Variants in GPRIN3 observed in about 807,000 individuals in gnomAD.
GPRIN3 encodes the protein GPRIN family member 3.
GPRIN3 carries 12 observed loss-of-function variants against 13.7 expected under a neutral mutation model. The ratio of observed to expected loss-of-function variants is 0.87; its 90% confidence interval spans 0.56 to 1.42. GPRIN3 has a LOEUF of 1.42. Ranked by LOEUF, GPRIN3 falls within the 40% of genes most tolerant of loss-of-function variation. The probability of loss-of-function intolerance (pLI) is 0.00; values close to 1 mark genes in which losing one functional copy is unlikely to be tolerated. For synonymous variants in GPRIN3, 377 were observed against 372.7 expected, an observed-to-expected ratio of 1.01 and a Z score of -0.13; for missense variants, 1,009 against 958.7, an observed-to-expected ratio of 1.05 and a Z score of -0.69.
In GPRIN3 at chr4:89,239,737, C is replaced by A. The variant is rs1722873842; in HGVS notation, c.*8043G>T. 1.3e-5 allele frequency: 2 copies of A among 152,254 alleles called. No individual in the cohort carries two copies. The highest frequency in any genetic ancestry group is 4.8e-5 in the African/African-American group (2 of 41,438). The allele number at this position is 152,254 out of a possible 1,614,324, so 9.4% of individuals were successfully genotyped here. On this transcript the variant is annotated 3_prime_UTR_variant, in exon 2 of 2. Transcript: ENST00000609438. ...AGTGCAATGGCGCGAACTTGGCTCACTGCAACCTCTGCTTCCCAGGTTCAA... is the reference window on the plus strand; with the variant it reads ...AGTGCAATGGCGCGAACTTGGCTCAATGCAACCTCTGCTTCCCAGGTTCAA...
At chr4:89,304,951 C>A (rs1263423813) in intron 1 of GPRIN3, among the ~76,000 whole-genome samples, 1 of 152,048 alleles carries the variant, frequency 6.6e-6, no homozygotes, top group South Asian at 2.1e-4. Context: ...CTTTAAGCAG[C>A]CTATTGTAAA....
rs11733183 is a variant in GPRIN3 at position 89,248,943 on chromosome 4, G to A, written c.1168C>T (p.Pro390Ser). Residue 390 changes from proline (P) to serine (S), a missense_variant, in exon 2 of 2, where the codon CCA becomes TCA. Coordinates refer to ENST00000609438, the MANE Select transcript of GPRIN3 (RefSeq NM_198281.3). ...GCAGCTGCCTGAATGTGCACCTGTG[G>A]CATGATGCCAGGGCACTGGCTGGAC... is the stretch of plus-strand genomic sequence containing the variant. ...QESSQCPGIM[P>S]QVHIQAAAAE... The A allele has an allele frequency of 0.038, 60,594 of 1,614,142 alleles. 1,459 individuals are homozygous for A. Among genetic ancestry groups the A allele is most frequent in the Non-Finnish European group, 0.041 (47,928 of 1,179,998 alleles).
Position 89,249,398 on chromosome 4 carries a change from A to G in GPRIN3, c.713T>C (p.Leu238Pro). 1.2e-6 allele frequency: 2 copies of G among 1,614,130 alleles called. No homozygotes were observed. Among genetic ancestry groups the G allele is most frequent in the Non-Finnish European group, 1.7e-6 (2 of 1,180,012 alleles). Reference sequence around the variant, plus strand: ...CTCTGAACATCCAGATTCTCTAGTTAGAGGTTTACAGGACCTCATTTCAGA... The same window carrying G: ...CTCTGAACATCCAGATTCTCTAGTTGGAGGTTTACAGGACCTCATTTCAGA... ...CDSEMRSCKP[L>P]TRESGCSENK... is the part of the protein sequence containing the mutation. Residue 238 changes from leucine (L) to proline (P), a missense_variant, in exon 2 of 2, where the codon CTA (leucine) becomes CCA (proline). Coordinates refer to ENST00000609438, the MANE Select transcript of GPRIN3 (RefSeq NM_198281.3).
chr4:89,288,547 C>T (rs886673121), intron 1 of GPRIN3, among the ~76,000 whole-genome samples: 3 of 152,116 alleles, frequency 2.0e-5, no homozygotes, highest in Non-Finnish European at 4.4e-5. Flanking sequence ...ATTCTGTGTA[C>T]CTTGATAGGA....
chr4:89,250,190 C>G lies in GPRIN3; in HGVS notation c.-80G>C. ...GGGGGAGGGGAGCGCAGTCAGAGCT[C>G]AGAGTGATGACACAGTCAGGGATGA... On this transcript the variant is annotated 5_prime_UTR_variant, in exon 2 of 2. Transcript: ENST00000609438. The G allele has an allele frequency of 6.6e-7, 1 of 1,526,592 alleles. No homozygotes were observed. The highest frequency in any genetic ancestry group is 8.8e-7 in the Non-Finnish European group (1 of 1,138,156). 94.6% of individuals were successfully genotyped at this position (1,526,592 alleles called of 1,614,324 possible).
chr4:89,282,726 C>T (rs939304042), intron 1 of GPRIN3, among the ~76,000 whole-genome samples: 6 of 151,294 alleles, frequency 4.0e-5, no homozygotes, highest in Non-Finnish European at 7.4e-5. Flanking sequence ...ATTAATCTGA[C>T]AAATCACTTG....
At chr4:89,256,573 G>A (rs1723471857) in intron 1 of GPRIN3, among the ~76,000 whole-genome samples, 1 of 152,164 alleles carries the variant, frequency 6.6e-6, no homozygotes. Context: ...TGGACCGACA[G>A]GAGGCTGATG....
chr4:89,265,244 A>G (rs892881179), intron 1 of GPRIN3, among the ~76,000 whole-genome samples: 6 of 152,200 alleles, frequency 3.9e-5, no homozygotes, highest in African/African-American at 7.2e-5. Flanking sequence ...TGGTTTTAAT[A>G]TAAAGGGATA....
chr4:89,238,435 CT>C lies in GPRIN3; in HGVS notation c.*9344del, dbSNP rs1722840433. 1 of 152,142 alleles carries C rather than the reference CT, an allele frequency of 6.6e-6. No homozygotes were observed. The highest frequency in any genetic ancestry group is 2.4e-5 in the African/African-American group (1 of 41,408). The allele number at this position is 152,142 out of a possible 1,614,324, so 9.4% of individuals were successfully genotyped here. Reference sequence around the variant, plus strand: ...TCAGGAGTAGGCAGAAAGGCTGGAGCTATATAGGGTACACCTGATGGCTCTG... The same window carrying C: ...TCAGGAGTAGGCAGAAAGGCTGGAGCATATAGGGTACACCTGATGGCTCTG... On this transcript the variant is annotated 3_prime_UTR_variant, in exon 2 of 2. Coordinates refer to ENST00000609438, the MANE Select transcript of GPRIN3 (RefSeq NM_198281.3).
chr4:89,251,973 T>C (rs1723341882), intron 1 of GPRIN3, among the ~76,000 whole-genome samples: 5 of 151,800 alleles, frequency 3.3e-5, no homozygotes, highest in Admixed American at 2.6e-4. Flanking sequence ...TGTTTATATA[T>C]AAGCTTTTTT....
chr4:89,299,439 G>C (rs561508985), intron 1 of GPRIN3, among the ~76,000 whole-genome samples: 1 of 152,156 alleles, frequency 6.6e-6, no homozygotes, highest in Non-Finnish European at 1.5e-5. Context: ...AGGCATGAGA[G>C]ATTTCAGAGC....
chr4:89,283,728 C>T (rs1453161734), intron 1 of GPRIN3, among the ~76,000 whole-genome samples: 1 of 152,052 alleles, frequency 6.6e-6, no homozygotes, highest in Non-Finnish European at 1.5e-5. Context: ...AGGACTTCAC[C>T]AGTGGGGAGG....
At chr4:89,298,180 T>A (rs1724796270) in intron 1 of GPRIN3, among the ~76,000 whole-genome samples, 1 of 152,188 alleles carries the variant, frequency 6.6e-6, no homozygotes, top group East Asian at 1.9e-4. Context: ...CTTGTAAGAA[T>A]TCTACATCTT....
intron 1 of GPRIN3, among the ~76,000 whole-genome samples, chr4:89,296,088 G>A (rs1001534020): frequency 1.3e-5 from 2 of 151,994 alleles, no homozygotes; most frequent in African/African-American, 2.4e-5. Context: ...TCCTCTCACA[G>A]GTCACTGCTG....
chr4:89,251,704 A>G (rs1272673916), intron 1 of GPRIN3, among the ~76,000 whole-genome samples: 2 of 152,244 alleles, frequency 1.3e-5, no homozygotes, highest in African/African-American at 4.8e-5. Flanking sequence ...AAAACAGCAT[A>G]TACATTTTCA....
chr4:89,250,515 C>T (rs1183959803), intron 1 of GPRIN3: 2 of 157,462 alleles, frequency 1.3e-5, no homozygotes, highest in African/African-American at 4.8e-5. Context: ...ATGTATCTAC[C>T]TAAGTTTGCT....
intron 1 of GPRIN3, among the ~76,000 whole-genome samples, chr4:89,264,724 G>T (rs1723737402): frequency 6.6e-6 from 1 of 152,154 alleles, no homozygotes; most frequent in Non-Finnish European, 1.5e-5. Flanking sequence ...TTGCAAAGAG[G>T]TTCCTGCAGA....
intron 1 of GPRIN3, among the ~76,000 whole-genome samples, chr4:89,305,638 C>T (rs948140937): frequency 2.0e-5 from 3 of 152,172 alleles, no homozygotes; most frequent in African/African-American, 7.2e-5. Flanking sequence ...TTCCGTGTTT[C>T]CTGCAAGCTG....
At chr4:89,280,152 T>C (rs1245794319) in intron 1 of GPRIN3, among the ~76,000 whole-genome samples, 1 of 152,162 alleles carries the variant, frequency 6.6e-6, no homozygotes, top group Non-Finnish European at 1.5e-5. Flanking sequence ...AACTTGGTGT[T>C]TATGGATCCT....
Sources: gnomAD v4.1 joint callset for allele counts (sites outside exome capture counted in the v4.1 genomes callset) on GRCh38, gnomAD v4.1.1 for gene constraint, MANE v1.5 for transcripts, NCBI Gene and HGNC (gene_info 2026-07-23, HGNC 2026-07-21) for gene names.